TRAF2: variants seen among roughly 807,000 people sequenced by gnomAD.
TRAF2 encodes the protein TNF receptor associated factor 2.
A neutral mutation model predicts 55.6 loss-of-function variants in TRAF2; 6 were observed. That is an observed-to-expected ratio of 0.11 (90% CI 0.06 to 0.21). TRAF2 has a LOEUF of 0.21. TRAF2 is among the 10% of genes least tolerant of loss of function. The probability of loss-of-function intolerance (pLI) is 1.00; values close to 1 mark genes in which losing one functional copy is unlikely to be tolerated. For missense variants in TRAF2, 561 were observed against 684.5 expected (o/e 0.82, Z 2.01); for synonymous variants, 329 against 276.3 (o/e 1.19, Z -1.89).
Position 136,916,628 on chromosome 9 carries a change from G to A in TRAF2, c.678+13G>A. The A allele has an allele frequency of 2.5e-6, 4 of 1,613,362 alleles. No homozygotes were observed. Among genetic ancestry groups the A allele is most frequent in the African/African-American group, 1.3e-5 (1 of 75,034 alleles). ...CTGCCTCGAGACGGTGAGTCGGGGGGTCTGAGGTTGGGGGCCACCCCTCAT... is the reference window on the plus strand; with the variant it reads ...CTGCCTCGAGACGGTGAGTCGGGGGATCTGAGGTTGGGGGCCACCCCTCAT... On this transcript the variant is annotated intron_variant, in intron 7 of 10. Coordinates refer to ENST00000247668, the MANE Select transcript of TRAF2 (RefSeq NM_021138.4).
At position 136,899,615 on chromosome 9, in the gene TRAF2, T is replaced by G; in HGVS notation, c.210T>G (p.Ala70=). 1 of 1,613,444 alleles carries G rather than the reference T, an allele frequency of 6.2e-7. No homozygotes were observed. The change falls in exon 3 of 11, where the codon GCT becomes GCG. Residue 70 remains alanine (A), a synonymous_variant. Transcript: ENST00000247668. The part of the protein sequence containing the change: ...SILSSGPQNC[A]ACVHEGIYEE... ...CTAGCTCTGGGCCTCAGAACTGTGC[T>G]GCCTGTGTTCACGAGGGCATATATG...
Position 136,918,252 on chromosome 9 carries a change from TATA to T in TRAF2, c.678+1638_678+1640del, listed in dbSNP as rs1564419463. 5.0e-4 allele frequency among the ~76,000 whole-genome samples: 24 copies of T among 47,772 alleles called. No individual in the cohort carries two copies. The Middle Eastern group carries it at 0.023, about 46-fold the overall frequency. 31.3% of individuals were successfully genotyped at this position (47,772 alleles called of 152,430 possible). A position where few individuals can be genotyped will look rare whatever the true frequency, so the allele number is the denominator to read the frequency against. On this transcript the variant is annotated intron_variant, in intron 7 of 10. Transcript: ENST00000247668. ...TTATATATATATATATATATATATA[TATA>T]TATTTATTTAATTAATTAATTTATT...
In TRAF2 at chr9:136,926,105, G is replaced by A. The variant is rs1256683863; in HGVS notation, c.*204G>A. 2.6e-6 allele frequency: 2 copies of A among 773,308 alleles called. No homozygotes were observed. The highest frequency in any genetic ancestry group is 5.0e-5 in the East Asian group (2 of 40,162). The allele number at this position is 773,308 out of a possible 1,614,324, so 47.9% of individuals were successfully genotyped here. A position where few individuals can be genotyped will look rare whatever the true frequency, so the allele number is the denominator to read the frequency against. Reference sequence around the variant, plus strand: ...CCTCAGATTTCAGAGACTGCGGAGGGGCTTGGCAGACGGTCTTAGCCAAGG... The same window carrying A: ...CCTCAGATTTCAGAGACTGCGGAGGAGCTTGGCAGACGGTCTTAGCCAAGG... On this transcript the variant is annotated 3_prime_UTR_variant, in exon 11 of 11. Coordinates refer to ENST00000247668, the MANE Select transcript of TRAF2 (RefSeq NM_021138.4).
At chr9:136,924,706 A>G (rs927886738) in intron 10 of TRAF2, among the ~76,000 whole-genome samples, 10 of 152,160 alleles carry the variant, frequency 6.6e-5, no homozygotes, top group Non-Finnish European at 2.9e-5. Flanking sequence ...GAAGGAACAC[A>G]GCTTCGGAGC....
In TRAF2 at chr9:136,906,168, C is replaced by T. The variant is rs374763860; in HGVS notation, c.367-1902C>T. 1.9e-4 allele frequency among the ~76,000 whole-genome samples: 29 copies of T among 152,154 alleles called. No individual in the cohort carries two copies. The East Asian group carries it at 3.1e-3, about 16-fold the overall frequency. ...AGAAATTTAGCTGGGTGTGGTGGTG[C>T]GTGCCTGTATTCCTATAGTCCCAGC... On this transcript the variant is annotated intron_variant, in intron 4 of 10. Transcript: ENST00000247668.
At position 136,898,760 on chromosome 9, in the gene TRAF2, C is replaced by T. The variant is rs781149695; in HGVS notation, c.20C>T (p.Thr7Ile). 1.2e-6 allele frequency: 2 copies of T among 1,612,860 alleles called. No homozygotes were observed. The highest frequency in any genetic ancestry group is 1.7e-6 in the Non-Finnish European group (2 of 1,179,806). Residue 7 changes from threonine (T) to isoleucine (I), a missense_variant, in exon 2 of 11, where the codon ACC becomes ATC. Physicochemically the swap from Thr to Ile is moderately conservative, Grantham distance 89. This residue lies in a region of TRAF2 where 426 missense variants were observed against 476.8 expected (regional missense o/e 0.89). Transcript: ENST00000247668. The stretch of plus-strand genomic sequence containing the variant: ...GCTCTCATGGCTGCAGCTAGCGTGA[C>T]CCCCCCTGGCTCCCTGGAGTTGCTA... MAAASV[T>I]PPGSLELLQP...
intron 1 of TRAF2, 88 bp from the exon 2 acceptor site, chr9:136,898,625 A>G: frequency 5.8e-6 from 9 of 1,540,782 alleles, no homozygotes; most frequent in Admixed American, 1.9e-5. Flanking sequence ...GCCCCTCACC[A>G]TCGCCTGCTA....
chr9:136,891,672 G>T (rs539712942), intron 1 of TRAF2, among the ~76,000 whole-genome samples: 327 of 151,926 alleles, frequency 2.2e-3, no homozygotes, highest in African/African-American at 7.5e-3. Flanking sequence ...TCTGAAAGAT[G>T]CACCAGGACA....
In TRAF2 at chr9:136,886,966, C is replaced by T. The variant is rs889041025; in HGVS notation, c.-29+425C>T. Reference sequence around the variant, plus strand: ...CCCTCGTGTCCCCGAAGCCCCGCACCCTCAGCCGGCTGCGTGCTCGGGAGG... The same window carrying T: ...CCCTCGTGTCCCCGAAGCCCCGCACTCTCAGCCGGCTGCGTGCTCGGGAGG... On this transcript the variant is annotated intron_variant, in intron 1 of 10. Transcript: ENST00000247668. Among the ~76,000 whole-genome samples the T allele has an allele frequency of 5.3e-5, 8 of 152,182 alleles. No individual in the cohort carries two copies. The South Asian group carries it at 6.2e-4, about 12-fold the overall frequency.
intron 1 of TRAF2, among the ~76,000 whole-genome samples, chr9:136,892,326 T>C (rs1849597051): frequency 6.6e-6 from 1 of 151,856 alleles, no homozygotes; most frequent in Non-Finnish European, 1.5e-5. Context: ...TAGCTGGGCA[T>C]GGTGACTGGT....
Position 136,907,603 on chromosome 9 carries a change from C to T in TRAF2, c.367-467C>T, listed in dbSNP as rs562100690. 2.0e-5 allele frequency among the ~76,000 whole-genome samples: 3 copies of T among 152,336 alleles called. No homozygotes were observed. The East Asian group carries it at 5.8e-4, about 29-fold the overall frequency. ...TGCTATCTCCCGTGCGTGTTCCCTACCTCTTCACACCTCCCACCTGCAATG... is the reference window on the plus strand; with the variant it reads ...TGCTATCTCCCGTGCGTGTTCCCTATCTCTTCACACCTCCCACCTGCAATG... On this transcript the variant is annotated intron_variant, in intron 4 of 10. Coordinates refer to ENST00000247668, the MANE Select transcript of TRAF2 (RefSeq NM_021138.4).
chr9:136,911,990 C>T (rs1284485883), intron 6 of TRAF2, among the ~76,000 whole-genome samples: 1 of 151,158 alleles, frequency 6.6e-6, no homozygotes, highest in Non-Finnish European at 1.5e-5. Flanking sequence ...GCTGGGACTA[C>T]AGGCGCCTGC....
Position 136,926,196 on chromosome 9 carries a change from G to A in TRAF2, c.*295G>A, listed in dbSNP as rs1267933695. ...GCACAAGCTGCCCTTGCTGTCCTGTGCAGTGAAGGGAGAGGCCCTGGGTGG... is the reference window on the plus strand; with the variant it reads ...GCACAAGCTGCCCTTGCTGTCCTGTACAGTGAAGGGAGAGGCCCTGGGTGG... On this transcript the variant is annotated 3_prime_UTR_variant, in exon 11 of 11. Transcript: ENST00000247668. 1.9e-6 allele frequency: 1 copy of A among 539,196 alleles called. No individual in the cohort carries two copies. Among genetic ancestry groups the A allele is most frequent in the Admixed American group, 2.5e-5 (1 of 40,194 alleles). The allele number at this position is 539,196 out of a possible 1,614,324, so 33.4% of individuals were successfully genotyped here.
chr9:136,926,158 C>T lies in TRAF2; in HGVS notation c.*257C>T, dbSNP rs758007585. On this transcript the variant is annotated 3_prime_UTR_variant, in exon 11 of 11. Transcript: ENST00000247668. ...TGTGGTGGCATTGGCCGAGGGTCTT[C>T]GGGTGCTTCCCAGCACAAGCTGCCC... 2.1e-5 allele frequency: 14 copies of T among 654,854 alleles called. No individual in the cohort carries two copies. Among genetic ancestry groups the T allele is most frequent in the African/African-American group, 3.5e-5 (2 of 56,840 alleles). The allele number at this position is 654,854 out of a possible 1,614,324, so 40.6% of individuals were successfully genotyped here.
chr9:136,908,365 C>G (rs536589520), intron 5 of TRAF2, 134 bp downstream of exon 5: 30 of 1,010,620 alleles, frequency 3.0e-5, no homozygotes, highest in South Asian at 5.2e-5. Context: ...CCTGGAGACA[C>G]GCGGGCGGAT....
intron 7 of TRAF2, 140 bp from the exon 8 acceptor site, chr9:136,920,094 T>C (rs769878116): frequency 4.6e-6 from 5 of 1,084,348 alleles, no homozygotes; most frequent in Non-Finnish European, 6.4e-6. Flanking sequence ...GGATCAGCCA[T>C]GACCAGGCCA....
intron 9 of TRAF2, 110 bp downstream of exon 9, chr9:136,921,325 AC>A (rs747359021): frequency 6.6e-6 from 9 of 1,356,662 alleles, no homozygotes; most frequent in Non-Finnish European, 9.1e-6. Flanking sequence ...CTGGGATACG[AC>A]CCCCAGTGAT....
intron 10 of TRAF2, among the ~76,000 whole-genome samples, chr9:136,924,799 GCA>G (rs1564423743): frequency 2.9e-4 from 44 of 152,074 alleles, no homozygotes; most frequent in African/African-American, 9.9e-4. Context: ...GAGTGCAGTG[GCA>G]TGATCTCGGC....
chr9:136,926,232 G>C lies in TRAF2; in HGVS notation c.*331G>C. 2.2e-6 allele frequency: 1 copy of C among 452,896 alleles called. No homozygotes were observed. Among genetic ancestry groups the C allele is most frequent in the South Asian group, 1.9e-5 (1 of 53,184 alleles). 28.1% of individuals were successfully genotyped at this position (452,896 alleles called of 1,614,324 possible). A position where few individuals can be genotyped will look rare whatever the true frequency, so the allele number is the denominator to read the frequency against. Reference sequence around the variant, plus strand: ...AGAGGCCCTGGGTGGGGGACACTCAGAGTGGGAGCACATCCCAGCAGTGCC... The same window carrying C: ...AGAGGCCCTGGGTGGGGGACACTCACAGTGGGAGCACATCCCAGCAGTGCC... On this transcript the variant is annotated 3_prime_UTR_variant, in exon 11 of 11. Coordinates refer to ENST00000247668, the MANE Select transcript of TRAF2 (RefSeq NM_021138.4).
Sources: gnomAD v4.1 joint callset for allele counts (sites outside exome capture counted in the v4.1 genomes callset) on GRCh38, gnomAD v4.1.1 for gene constraint, gnomAD v4.1.1 regional missense constraint, MANE v1.5 for transcripts, NCBI Gene and HGNC (gene_info 2026-07-23, HGNC 2026-07-21) for gene names.